The following MUC17 variants were observed in gnomAD, a reference collection of about 807,000 sequenced individuals.
The protein encoded by MUC17 is mucin-17.
Under a neutral mutation model 170.3 loss-of-function variants are expected in MUC17, and 190 were observed. The ratio of observed to expected loss-of-function variants is 1.12; its 90% CI spans 0.99 to 1.26. MUC17 has a LOEUF of 1.26. Ranked by LOEUF, MUC17 falls within the 50% of genes most tolerant of loss-of-function variation. The pLI is 0.00. For missense variants in MUC17, 6,415 were observed against 5,530.0 expected (o/e 1.16, Z -5.08); for synonymous variants, 2,325 against 2,002.5 (o/e 1.16, Z -4.30).
Position 101,031,958 on chromosome 7 carries a change from A to C in MUC17, c.542A>C (p.Lys181Thr). ...SFEAYTSLTY[K>T]VDMSTPLTTS... ...GAGGCCTACACATCTTTAACATATA[A>C]GGTTGATATGAGCACACCTCTGACC... Residue 181 changes from lysine (K) to threonine (T), a missense_variant, in exon 3 of 13, where the codon AAG becomes ACG. By Grantham distance (78) the Lys-to-Thr change is moderately conservative. Coordinates refer to ENST00000306151, the MANE Select transcript of MUC17 (RefSeq NM_001040105.2). The C allele has an allele frequency of 6.2e-7, 1 of 1,614,136 alleles. No homozygotes were observed. The highest frequency in any genetic ancestry group is 8.5e-7 in the Non-Finnish European group (1 of 1,180,016).
In MUC17 at chr7:101,043,624, C is replaced by T. The variant is rs769756887; in HGVS notation, c.12208C>T (p.His4070Tyr). Residue 4070 changes from histidine (H) to tyrosine (Y), a missense_variant, in exon 3 of 13, where the codon CAC becomes TAC. Coordinates refer to ENST00000306151, the MANE Select transcript of MUC17 (RefSeq NM_001040105.2). The stretch of plus-strand genomic sequence containing the variant: ...CATCCCACCTACATTTCCTCCTGCT[C>T]ACTCCAGTACACCTCCAACAACCTC... ...HTIPPTFPPAHSSTPPTTSAS... is the reference protein window; with the variant it reads ...HTIPPTFPPAYSSTPPTTSAS... The T allele has an allele frequency of 6.2e-7, 1 of 1,614,064 alleles. No individual in the cohort carries two copies. Among genetic ancestry groups the T allele is most frequent in the Non-Finnish European group, 8.5e-7 (1 of 1,180,040 alleles).
intron 8 of MUC17, 58 bp downstream of exon 8, chr7:101,051,739 A>T: frequency 6.2e-7 from 1 of 1,605,410 alleles, no homozygotes; most frequent in Non-Finnish European, 8.5e-7. Context: ...GCCCAGGAGG[A>T]GTGGGACAGT....
At chr7:101,053,583 C>A in intron 11 of MUC17, 147 bp downstream of exon 11, 1 of 583,142 alleles carries the variant, frequency 1.7e-6, no homozygotes, top group South Asian at 2.4e-5. Context: ...GCCTGGGCAA[C>A]AACACAGCAA....
chr7:101,057,237 C>G (rs988346615), intron 12 of MUC17, among the ~76,000 whole-genome samples: 1 of 152,172 alleles, frequency 6.6e-6, no homozygotes, highest in African/African-American at 2.4e-5. Flanking sequence ...AGTGACCACT[C>G]CTTGATCACT....
At position 101,036,272 on chromosome 7, in the gene MUC17, G is replaced by C. The variant is rs147244857; in HGVS notation, c.4856G>C (p.Ser1619Thr). 1 of 1,613,132 alleles carries C rather than the reference G, an allele frequency of 6.2e-7. No homozygotes were observed. The change falls in exon 3 of 13, where the codon AGC becomes ACC. Residue 1619 changes from serine to threonine, a missense_variant. Transcript: ENST00000306151. ...AGTTCATCTACAACCGCTGAAGGTA[G>C]CAGCATGACAATCTCAACTCCTAGT... ...EASSSTTAEG[S>T]SMTISTPSEG...
At chr7:101,056,488 G>C (rs759590799) in intron 12 of MUC17, among the ~76,000 whole-genome samples, 18 of 152,160 alleles carry the variant, frequency 1.2e-4, no homozygotes, top group Non-Finnish European at 2.2e-4. Flanking sequence ...GACCCCTGAG[G>C]CTTCAGGTTC....
Position 101,039,511 on chromosome 7 carries a change from G to GT in MUC17, c.8096dup (p.Ser2700GlnfsTer9), listed in dbSNP as rs1794613842. 1 of 1,610,568 alleles carries GT rather than the reference G, an allele frequency of 6.2e-7. No individual in the cohort carries two copies. The highest frequency in any genetic ancestry group is 8.5e-7 in the Non-Finnish European group (1 of 1,178,490). ...AAGCACTCCATTAACAAATATACTT[G>GT]TCAGCACCACGCTGTTGGCCAATTC... On this transcript the variant is annotated frameshift_variant, in exon 3 of 13. Coordinates refer to ENST00000306151, the MANE Select transcript of MUC17 (RefSeq NM_001040105.2). LOFTEE classifies it high-confidence loss of function.
chr7:101,057,954 C>T (rs937748932), intron 12 of MUC17, 49 bp from the exon 13 acceptor site: 2 of 1,575,632 alleles, frequency 1.3e-6, no homozygotes, highest in Non-Finnish European at 1.7e-6. Context: ...TCCAGAATCC[C>T]AAATTCCTCA....
rs774651865 is a variant in MUC17, at chr7:101,032,277, G to A, written c.861G>A (p.Val287=). 1.1e-5 allele frequency: 17 copies of A among 1,613,644 alleles called. No individual in the cohort carries two copies. Among genetic ancestry groups the A allele is most frequent in the South Asian group, 4.4e-5 (4 of 91,024 alleles). Residue 287 remains valine, a synonymous_variant, in exon 3 of 13, where the codon GTG becomes GTA. Transcript: ENST00000306151. ...LTRMPLSVML[V]VSSEASTLST... is the part of the protein sequence containing the mutation. ...GAATGCCTCTCAGCGTGATGCTGGT[G>A]GTCAGTTCTGAGGCTAGCACCCTTT...
chr7:101,039,911 C>T lies in MUC17; in HGVS notation c.8495C>T (p.Thr2832Ile). 1.2e-6 allele frequency: 2 copies of T among 1,613,192 alleles called. No individual in the cohort carries two copies. Among genetic ancestry groups the T allele is most frequent in the Non-Finnish European group, 1.7e-6 (2 of 1,179,708 alleles). ...VASSEAGTLS[T>I]TPVDTSTPVT... ...AGTTCTGAGGCTGGCACCCTTTCAA[C>T]AACTCCTGTTGACACCAGCACACCT... Residue 2832 changes from threonine to isoleucine, a missense_variant, in exon 3 of 13, where the codon ACA becomes ATA. Physicochemically the swap from Thr to Ile is moderately conservative, Grantham distance 89. Transcript: ENST00000306151.
Position 101,042,254 on chromosome 7 carries a change from G to T in MUC17, c.10838G>T (p.Ser3613Ile). ...ACACCTGTGACCACTTCTACTCAGA[G>T]CAATTCTACTCCTACACCTCCTGAA... The part of the protein sequence containing the change: ...RSTPVTTSTQ[S>I]NSTPTPPEVI... The change falls in exon 3 of 13, where the codon AGC becomes ATC. Residue 3613 changes from serine to isoleucine, a missense_variant. By Grantham distance (142) the Ser-to-Ile change is moderately radical. Transcript: ENST00000306151. 2 of 1,611,582 alleles carry T rather than the reference G, an allele frequency of 1.2e-6. No individual in the cohort carries two copies. The highest frequency in any genetic ancestry group is 1.1e-5 in the South Asian group (1 of 90,962).
chr7:101,038,189 C>A lies in MUC17; in HGVS notation c.6773C>A (p.Thr2258Asn). 1 of 1,609,106 alleles carries A rather than the reference C, an allele frequency of 6.2e-7. No individual in the cohort carries two copies. Among genetic ancestry groups the A allele is most frequent in the Non-Finnish European group, 8.5e-7 (1 of 1,178,094 alleles). The part of the protein sequence containing the change: ...STPVTTSTEA[T>N]SSPTTAEGTS... ...CCTGTGACCACTTCTACTGAAGCCA[C>A]TTCATCTCCTACAACTGCTGAAGGT... Residue 2258 changes from threonine to asparagine, a missense_variant, in exon 3 of 13, where the codon ACT becomes AAT. Physicochemically the swap from Thr to Asn is moderately conservative, Grantham distance 65 (BLOSUM62 0). Transcript: ENST00000306151.
rs778201631 is a variant in MUC17 at position 101,037,067 on chromosome 7, C to A, written c.5651C>A (p.Thr1884Asn). The A allele has an allele frequency of 1.3e-6, 2 of 1,579,850 alleles. No individual in the cohort carries two copies. The highest frequency in any genetic ancestry group is 1.3e-5 in the South Asian group (1 of 79,886). The change falls in exon 3 of 13, where the codon ACC becomes AAC. Residue 1884 changes from threonine (T) to asparagine (N), a missense_variant. Transcript: ENST00000306151. ...ACCACAACAGTGGCCAGTTCTGAAA[C>A]CAACACCCTTTCAACAACTCCCGCT... ...VSTTTVASSE[T>N]NTLSTTPAVT...
At position 101,041,393 on chromosome 7, in the gene MUC17, A is replaced by T; in HGVS notation, c.9977A>T (p.Asp3326Val). The T allele has an allele frequency of 6.2e-7, 1 of 1,613,634 alleles. No individual in the cohort carries two copies. The highest frequency in any genetic ancestry group is 8.5e-7 in the Non-Finnish European group (1 of 1,179,770). ...SQASSSPPIA[D>V]GTSMPTSTYS... ...GCCAGTTCATCTCCTCCAATTGCTG[A>T]CGGTACTAGCATGCCAACCTCAACT... The change falls in exon 3 of 13, where the codon GAC (aspartate) becomes GTC (valine). Residue 3326 changes from aspartate (D) to valine (V), a missense_variant. Physicochemically the swap from Asp to Val is radical, Grantham distance 152. Transcript: ENST00000306151.
chr7:101,021,297 C>T (rs560125724), intron 1 of MUC17, among the ~76,000 whole-genome samples: 12 of 151,488 alleles, frequency 7.9e-5, no homozygotes, highest in South Asian at 4.2e-4. Context: ...GCGATTCTCC[C>T]GCCTCAGGCT....
chr7:101,020,265 G>C (rs1023132723), intron 1 of MUC17, 48 bp downstream of exon 1: 1 of 1,525,104 alleles, frequency 6.6e-7, no homozygotes, highest in African/African-American at 1.4e-5. Flanking sequence ...CATCCCAGGG[G>C]CCAGCCTGCT....
chr7:101,040,505 C>A lies in MUC17; in HGVS notation c.9089C>A (p.Thr3030Asn), dbSNP rs764017756. The change falls in exon 3 of 13, where the codon ACT becomes AAT. Residue 3030 changes from threonine to asparagine, a missense_variant. By Grantham distance (65) the Thr-to-Asn change is moderately conservative. Coordinates refer to ENST00000306151, the MANE Select transcript of MUC17 (RefSeq NM_001040105.2). ...ACTGAAGCCAGTTCCTCTCCTACAA[C>A]TGCTGAAGGTACCGGCATACCAATC... ...TSTEASSSPT[T>N]AEGTGIPIST... 4.3e-6 allele frequency: 7 copies of A among 1,612,120 alleles called. 1 individual carries two copies. The highest frequency in any genetic ancestry group is 5.1e-6 in the Non-Finnish European group (6 of 1,179,208).
intron 11 of MUC17, 142 bp from the exon 12 acceptor site, chr7:101,056,052 G>A: frequency 8.4e-7 from 1 of 1,185,886 alleles, no homozygotes; most frequent in Non-Finnish European, 1.2e-6. Flanking sequence ...AATGTTGACA[G>A]TTTGTCACAT....
In MUC17 at chr7:101,039,010, G is replaced by T; in HGVS notation, c.7594G>T (p.Ala2532Ser). 4 of 1,614,030 alleles carry T rather than the reference G, an allele frequency of 2.5e-6. No homozygotes were observed. Among genetic ancestry groups the T allele is most frequent in the Non-Finnish European group, 2.5e-6 (3 of 1,179,994 alleles). Residue 2532 changes from alanine (A) to serine (S), a missense_variant, in exon 3 of 13, where the codon GCT becomes TCT. Physicochemically the swap from Ala to Ser is moderately conservative, Grantham distance 99. Transcript: ENST00000306151. Reference sequence around the variant, plus strand: ...CACCACGCCAGTGGCCAGTCCTGAGGCTAGCACCCTTTCAACAACTCCTGT... The same window carrying T: ...CACCACGCCAGTGGCCAGTCCTGAGTCTAGCACCCTTTCAACAACTCCTGT... ...VSTTPVASPE[A>S]STLSTTPVDS...
Sources: allele counts gnomAD v4.1 joint callset (sites outside exome capture counted in the v4.1 genomes callset), GRCh38; gene constraint gnomAD v4.1.1; transcripts MANE v1.5; gene names NCBI Gene and HGNC (gene_info 2026-07-23, HGNC 2026-07-21).